The following ZNF765 variants were observed in gnomAD, a reference collection of about 807,000 sequenced individuals.
The protein encoded by ZNF765 is zinc finger protein 765.
Under a neutral mutation model 44.7 loss-of-function variants are expected in ZNF765, and 37 were observed. The observed-to-expected ratio is 0.83, with a 90% confidence interval of 0.64 to 1.09. ZNF765 has a LOEUF of 1.09. Among genes scored for constraint, ZNF765 ranks in the 50% least tolerant of loss-of-function variants. The pLI is 0.00. For synonymous variants in ZNF765, 201 were observed against 213.7 expected, an observed-to-expected ratio of 0.94 and a Z score of 0.52; for missense variants, 594 against 626.1, an observed-to-expected ratio of 0.95 and a Z score of 0.55.
intron 1 of ZNF765, among the ~76,000 whole-genome samples, chr19:53,395,581 G>A (rs1348438386): frequency 1.3e-5 from 2 of 152,232 alleles, no homozygotes; most frequent in African/African-American, 4.8e-5. Context: ...CCCCAAGGAG[G>A]CCGCGTCCTC....
At chr19:53,420,004 C>T (rs1020504028) in intron 3 of ZNF765, among the ~76,000 whole-genome samples, 4 of 144,908 alleles carry the variant, frequency 2.8e-5, no homozygotes, top group Non-Finnish European at 6.0e-5. Context: ...CTGGGCAACA[C>T]AGCCAGATTC....
intron 3 of ZNF765, among the ~76,000 whole-genome samples, chr19:53,417,592 G>C (rs117263091): frequency 5.5e-4 from 84 of 152,262 alleles, no homozygotes; most frequent in Admixed American, 1.2e-3. Flanking sequence ...GAACATACAC[G>C]TGCATGCGTC....
chr19:53,401,829 C>T, intron 2 of ZNF765: 2 of 1,048,990 alleles, frequency 1.9e-6, no homozygotes, highest in Non-Finnish European at 1.4e-6. Flanking sequence ...TGAGCAGAGA[C>T]TGTGCCATTG....
At chr19:53,405,579 A>G (rs2085765662) in intron 3 of ZNF765, among the ~76,000 whole-genome samples, 1 of 151,040 alleles carries the variant, frequency 6.6e-6, no homozygotes, top group Non-Finnish European at 1.5e-5. Flanking sequence ...CCGTGTCCTG[A>G]CATGGTGGAA....
downstream of ZNF765, among the ~76,000 whole-genome samples, chr19:53,414,240 C>CA (rs754534125): frequency 9.6e-3 from 752 of 77,988 alleles, 59 homozygotes; most frequent in African/African-American, 0.035. Context: ...GACTCCATCT[C>CA]AAAAAAAAAA....
chr19:53,399,693 A>C (rs2085704499), intron 2 of ZNF765, among the ~76,000 whole-genome samples: 1 of 151,698 alleles, frequency 6.6e-6, no homozygotes, highest in African/African-American at 2.4e-5. Flanking sequence ...AAAAAAAAAA[A>C]ATTTTTACGT....
chr19:53,398,541 G>A (rs774839639), intron 2 of ZNF765, among the ~76,000 whole-genome samples: 1 of 152,120 alleles, frequency 6.6e-6, no homozygotes, highest in African/African-American at 2.4e-5. Context: ...TAATTAGAAT[G>A]GAAAGTTCAT....
chr19:53,426,555 C>G (rs1360593830), exon 4 of ZNF765: 1 of 152,420 alleles, frequency 6.6e-6, no homozygotes, highest in Non-Finnish European at 1.5e-5. Context: ...CCATGGGTGG[C>G]CTGTTAGGAA....
chr19:53,426,343 G>A (rs2085939492), exon 4 of ZNF765: 1 of 152,146 alleles, frequency 6.6e-6, no homozygotes. Context: ...TGAAGTGGTG[G>A]CAGGTGGTCT....
intron 3 of ZNF765, among the ~76,000 whole-genome samples, 167 bp downstream of exon 3, chr19:53,402,358 G>A (rs1252971714): frequency 1.4e-5 from 2 of 140,508 alleles, no homozygotes; most frequent in African/African-American, 5.3e-5. Flanking sequence ...CCGGGTTCAC[G>A]CCATTCTCCT....
chr19:53,415,957 T>TGTTTTTTGTTTG (rs138106541), downstream of ZNF765, among the ~76,000 whole-genome samples: 1 of 151,502 alleles, frequency 6.6e-6, no homozygotes, highest in Non-Finnish European at 1.5e-5. Context: ...TGTTTTGTTT[T>TGTTTTTTGTTTG]TTGTTTTTTG....
chr19:53,395,294 G>T (rs1292278151), intron 1 of ZNF765, 101 bp downstream of exon 1: 2 of 152,488 alleles, frequency 1.3e-5, no homozygotes, highest in Non-Finnish European at 2.9e-5. Flanking sequence ...ATTCTCAGCC[G>T]TCTTCCTTCA....
In ZNF765 at chr19:53,410,258, A is replaced by C; in HGVS notation, c.*1131A>C. ...ATTCATACTGGAGATAAACGTTACA[A>C]ATGTGAAGCATGTGACAAAGTTTAC... On this transcript the variant is annotated 3_prime_UTR_variant, in exon 4 of 4. Coordinates refer to ENST00000396408, the MANE Select transcript of ZNF765 (RefSeq NM_001040185.3). 1 of 359,742 alleles carries C rather than the reference A, an allele frequency of 2.8e-6. No homozygotes were observed. Among genetic ancestry groups the C allele is most frequent in the Non-Finnish European group, 5.6e-6 (1 of 177,248 alleles). The allele number at this position is 359,742 out of a possible 1,614,324, so 22.3% of individuals were successfully genotyped here.
chr19:53,397,574 G>A (rs2085683648), intron 1 of ZNF765, among the ~76,000 whole-genome samples: 1 of 152,124 alleles, frequency 6.6e-6, no homozygotes, highest in South Asian at 2.1e-4. Flanking sequence ...GTAGAGATGG[G>A]GTTTCACCAC....
At position 53,409,552 on chromosome 19, in the gene ZNF765, G is replaced by GAC. The variant is rs35942807; in HGVS notation, c.*426_*427insCA. 1,047,245 of 1,236,346 alleles carry GAC rather than the reference G, an allele frequency of 0.85. 446,432 individuals are homozygous for GAC. The highest frequency in any genetic ancestry group is 0.89 in the Admixed American group (52,388 of 58,870). 76.6% of individuals were successfully genotyped at this position (1,236,346 alleles called of 1,614,324 possible). ...GAAACCTTACAAATGTGAAGAATTT[G>GAC]AGTTTTCCATTTCAAATCAAACCTT... On this transcript the variant is annotated 3_prime_UTR_variant, in exon 4 of 4. Transcript: ENST00000396408.
chr19:53,396,270 A>T (rs1217296925), intron 1 of ZNF765, among the ~76,000 whole-genome samples: 2 of 151,798 alleles, frequency 1.3e-5, no homozygotes, highest in African/African-American at 4.9e-5. Context: ...GGGAAGAGAG[A>T]ATGTAACAGG....
chr19:53,407,641 C>G (rs750054900), intron 3 of ZNF765, 57 bp from the exon 4 acceptor site: 7 of 1,301,840 alleles, frequency 5.4e-6, no homozygotes, highest in Non-Finnish European at 7.3e-6. Flanking sequence ...TTACACATTT[C>G]AGCATTATTT....
chr19:53,406,922 A>G (rs923615551), intron 3 of ZNF765, among the ~76,000 whole-genome samples: 28 of 152,340 alleles, frequency 1.8e-4, no homozygotes, highest in African/African-American at 6.0e-4. Context: ...TCTCAAAAAT[A>G]TAAAAATAAA....
chr19:53,414,487 A>C (rs1600064205), downstream of ZNF765, among the ~76,000 whole-genome samples: 27 of 1,900 alleles, frequency 0.014, 1 homozygote, highest in African/African-American at 0.015. Flanking sequence ...ACACACACAC[A>C]CACCCCCCCC....
Sources: gnomAD v4.1 joint callset for allele counts (sites outside exome capture counted in the v4.1 genomes callset) on GRCh38, gnomAD v4.1.1 for gene constraint, MANE v1.5 for transcripts, NCBI Gene and HGNC (gene_info 2026-07-23, HGNC 2026-07-21) for gene names.